Variants in ARB2A observed in about 807,000 individuals in gnomAD.
The protein encoded by ARB2A is ARB2 cotranscriptional regulator A, also known as cotranscriptional regulator ARB2A.
the ARB2A span, among the ~76,000 whole-genome samples, chr5:94,014,245 T>C: frequency 6.6e-6 from 1 of 152,136 alleles, no homozygotes; most frequent in African/African-American, 2.4e-5. Context: ...AACCATTAGC[T>C]AGCCTTCCAA....
chr5:94,037,887 C>T, the ARB2A span, among the ~76,000 whole-genome samples: 1 of 152,044 alleles, frequency 6.6e-6, no homozygotes, highest in Non-Finnish European at 1.5e-5. Flanking sequence ...TAATATTTTT[C>T]AGTAATTTTC....
At chr5:93,959,343 A>C in the ARB2A span, among the ~76,000 whole-genome samples, 1 of 152,070 alleles carries the variant, frequency 6.6e-6, no homozygotes. Context: ...ATAACAACCC[A>C]TTTAGGTGGT....
the ARB2A span, among the ~76,000 whole-genome samples, chr5:93,832,393 G>A: frequency 1.3e-5 from 2 of 152,180 alleles, no homozygotes; most frequent in East Asian, 1.9e-4. Flanking sequence ...TCAAAGCTAT[G>A]GTATACCATG....
chr5:93,986,859 C>A, the ARB2A span, among the ~76,000 whole-genome samples: 1 of 151,812 alleles, frequency 6.6e-6, no homozygotes, highest in Admixed American at 6.6e-5. Flanking sequence ...TCTCAAGTAC[C>A]CAGGGACACA....
At chr5:94,018,309 T>C in the ARB2A span, among the ~76,000 whole-genome samples, 1 of 152,176 alleles carries the variant, frequency 6.6e-6, no homozygotes, top group African/African-American at 2.4e-5. Flanking sequence ...AATGCCTTTT[T>C]CTTGATATTT....
the ARB2A span, among the ~76,000 whole-genome samples, chr5:93,722,879 T>A: frequency 1.3e-5 from 2 of 152,142 alleles, no homozygotes; most frequent in African/African-American, 4.8e-5. Context: ...TTACACAACA[T>A]CTGATTTAAT....
the ARB2A span, among the ~76,000 whole-genome samples, chr5:93,903,095 C>G: frequency 1.3e-5 from 2 of 152,068 alleles, no homozygotes; most frequent in Non-Finnish European, 1.5e-5. Flanking sequence ...AGCGTTATGT[C>G]CAAAGCACCT....
the ARB2A span, among the ~76,000 whole-genome samples, chr5:94,047,983 T>C: frequency 2.0e-5 from 3 of 151,836 alleles, no homozygotes; most frequent in Admixed American, 6.6e-5. Context: ...AAGGCCATTA[T>C]AGTATGGTTA....
At chr5:93,753,497 A>G in the ARB2A span, among the ~76,000 whole-genome samples, 1 of 152,210 alleles carries the variant, frequency 6.6e-6, no homozygotes, top group Non-Finnish European at 1.5e-5. Context: ...TCTGATGAGA[A>G]AACGGGGCTT....
the ARB2A span, among the ~76,000 whole-genome samples, chr5:93,715,953 C>A: frequency 6.6e-6 from 1 of 152,162 alleles, no homozygotes; most frequent in South Asian, 2.1e-4. Context: ...GAAAACCACA[C>A]AATGGCTTAT....
the ARB2A span, among the ~76,000 whole-genome samples, chr5:94,099,579 G>A: frequency 1.5e-5 from 2 of 135,762 alleles, no homozygotes; most frequent in African/African-American, 2.9e-5. Flanking sequence ...AGCCGAGATC[G>A]CGCCACTGCA....
At chr5:94,017,995 T>G in the ARB2A span, among the ~76,000 whole-genome samples, 1 of 152,204 alleles carries the variant, frequency 6.6e-6, no homozygotes, top group African/African-American at 2.4e-5. Flanking sequence ...CCGCTTTTGC[T>G]TCTTCCTCAT....
chr5:93,689,990 G>T, the ARB2A span, among the ~76,000 whole-genome samples: 6 of 152,068 alleles, frequency 3.9e-5, no homozygotes, highest in African/African-American at 1.2e-4. Flanking sequence ...AAGCCATGAG[G>T]GACTGTGTTG....
At chr5:93,898,079 T>C in the ARB2A span, among the ~76,000 whole-genome samples, 3 of 152,002 alleles carry the variant, frequency 2.0e-5, no homozygotes, top group South Asian at 4.1e-4. Context: ...CCTCCAAAGA[T>C]GAACACCCAT....
the ARB2A span, among the ~76,000 whole-genome samples, chr5:94,065,903 T>A: frequency 7.9e-5 from 12 of 152,270 alleles, no homozygotes; most frequent in Middle Eastern, 3.4e-3. Flanking sequence ...GAACATTTCA[T>A]CCAAGAGCTG....
At chr5:93,937,119 C>G in the ARB2A span, among the ~76,000 whole-genome samples, 4 of 151,680 alleles carry the variant, frequency 2.6e-5, no homozygotes, top group African/African-American at 9.7e-5. Flanking sequence ...ATGATCCGCC[C>G]GCCCCTGCCT....
the ARB2A span, chr5:93,804,780 G>T: frequency 4.0e-6 from 2 of 495,056 alleles, no homozygotes; most frequent in Admixed American, 1.3e-4. Context: ...GAAAAGAAAT[G>T]CTTTTGCCTA....
the ARB2A span, among the ~76,000 whole-genome samples, chr5:93,657,630 G>A: frequency 6.6e-6 from 1 of 152,040 alleles, no homozygotes; most frequent in Non-Finnish European, 1.5e-5. Flanking sequence ...TTAGGCAATG[G>A]GCATATAAAG....
the ARB2A span, among the ~76,000 whole-genome samples, chr5:93,797,689 G>A: frequency 6.6e-6 from 1 of 152,106 alleles, no homozygotes; most frequent in African/African-American, 2.4e-5. Context: ...ACTACAGACT[G>A]CAATTCTTAA....
Sources: gnomAD v4.1 joint callset for allele counts (sites outside exome capture counted in the v4.1 genomes callset) on GRCh38, gnomAD v4.1.1 for gene constraint, MANE v1.5 for transcripts, NCBI Gene and HGNC (gene_info 2026-07-23, HGNC 2026-07-21) for gene names.